SPIDR: variants seen among roughly 807,000 people sequenced by gnomAD.
SPIDR encodes scaffold protein involved in DNA repair, also known as DNA repair-scaffolding protein.
Under a neutral mutation model 104.6 loss-of-function variants are expected in SPIDR, and 93 were observed. That is an observed-to-expected ratio of 0.89 (90% CI 0.75 to 1.06). The LOEUF is 1.06. Among genes scored for constraint, SPIDR ranks in the 50% least tolerant of loss-of-function variants. The pLI is 0.00. For synonymous variants in SPIDR, 431 were observed against 416.9 expected (o/e 1.03, Z -0.41); for missense variants, 1,154 against 1,111.2 (o/e 1.04, Z -0.55).
intron 8 of SPIDR, among the ~76,000 whole-genome samples, chr8:47,576,439 C>CCACACCTGGCCATAAATATCA (rs1347405501): frequency 1.3e-5 from 2 of 152,084 alleles, no homozygotes; most frequent in African/African-American, 2.4e-5. Context: ...GCATGAGCCA[C>CCACACCTGGCCATAAATATCA]TGGACCCAGC....
intron 5 of SPIDR, among the ~76,000 whole-genome samples, chr8:47,337,508 A>G (rs1427545678): frequency 6.6e-6 from 1 of 151,498 alleles, no homozygotes; most frequent in Non-Finnish European, 1.5e-5. Context: ...TCCCAGATGT[A>G]TGATTTGTAA....
At chr8:47,673,024 G>T (rs990767776) in intron 10 of SPIDR, among the ~76,000 whole-genome samples, 9 of 152,116 alleles carry the variant, frequency 5.9e-5, no homozygotes, top group African/African-American at 2.2e-4. Flanking sequence ...CTTATCTTTA[G>T]AACAGTTTTT....
At chr8:47,458,891 T>G (rs536012788) in intron 8 of SPIDR, among the ~76,000 whole-genome samples, 30 of 152,274 alleles carry the variant, frequency 2.0e-4, no homozygotes, top group African/African-American at 7.2e-4. Flanking sequence ...ACTGTGTCTG[T>G]TGAGGTGGTC....
chr8:47,553,856 C>T (rs912960922), intron 8 of SPIDR, among the ~76,000 whole-genome samples: 5 of 152,180 alleles, frequency 3.3e-5, no homozygotes, highest in African/African-American at 4.8e-5. Flanking sequence ...AGCTATTCTG[C>T]TTTGGTTTCT....
At chr8:47,616,741 T>C (rs2064370005) in intron 10 of SPIDR, among the ~76,000 whole-genome samples, 1 of 152,232 alleles carries the variant, frequency 6.6e-6, no homozygotes, top group Non-Finnish European at 1.5e-5. Context: ...ACGTACTCCA[T>C]ACCCAGTTTC....
At chr8:47,349,570 CCAGAGGTGGAGGCTA>C (rs1239409989) in intron 5 of SPIDR, among the ~76,000 whole-genome samples, 3 of 152,184 alleles carry the variant, frequency 2.0e-5, no homozygotes, top group Non-Finnish European at 2.9e-5. Flanking sequence ...TGCCCTGCCC[CCAGAGGTGGAGGCTA>C]CAGAGGCAGG....
chr8:47,306,492 C>T (rs1299237084), intron 5 of SPIDR, among the ~76,000 whole-genome samples: 1 of 151,888 alleles, frequency 6.6e-6, no homozygotes, highest in Non-Finnish European at 1.5e-5. Flanking sequence ...ATGTTTATAC[C>T]ACATTTTTTA....
intron 5 of SPIDR, among the ~76,000 whole-genome samples, chr8:47,374,788 T>C (rs2058454055): frequency 6.6e-6 from 1 of 152,006 alleles, no homozygotes; most frequent in South Asian, 2.1e-4. Context: ...GGGCATTGTG[T>C]CTCATGCCTG....
Position 47,502,731 on chromosome 8 carries a change from G to T in SPIDR, c.1097+62189G>T, listed in dbSNP as rs558648141. Among the ~76,000 whole-genome samples the T allele has an allele frequency of 4.8e-4, 73 of 152,042 alleles. 3 individuals carry two copies. The South Asian group carries it at 0.014, about 30-fold the overall frequency. Reference sequence around the variant, plus strand: ...CTAGTTCTTTTAATTTTGATGTTAGGGTGTCAATTTTAGATCTTTCCTGCT... The same window carrying T: ...CTAGTTCTTTTAATTTTGATGTTAGTGTGTCAATTTTAGATCTTTCCTGCT... On this transcript the variant is annotated intron_variant, in intron 8 of 19. Coordinates refer to ENST00000297423, the MANE Select transcript of SPIDR (RefSeq NM_001080394.4).
chr8:47,506,211 G>A (rs752576339), intron 8 of SPIDR, among the ~76,000 whole-genome samples: 2 of 152,228 alleles, frequency 1.3e-5, no homozygotes, highest in Non-Finnish European at 2.9e-5. Context: ...GAGGAGGGCA[G>A]CTACTAGACA....
chr8:47,697,324 T>C (rs1159486162), intron 11 of SPIDR, among the ~76,000 whole-genome samples: 1 of 152,034 alleles, frequency 6.6e-6, no homozygotes, highest in Non-Finnish European at 1.5e-5. Flanking sequence ...ACAACACTTA[T>C]ATTTATTTTT....
At chr8:47,441,361 C>A (rs1442496073) in intron 8 of SPIDR, among the ~76,000 whole-genome samples, 1 of 151,952 alleles carries the variant, frequency 6.6e-6, no homozygotes, top group Non-Finnish European at 1.5e-5. Flanking sequence ...CATTTTAATT[C>A]ATATTTCTCT....
chr8:47,705,082 C>T (rs1440383866), intron 14 of SPIDR, among the ~76,000 whole-genome samples: 6 of 152,208 alleles, frequency 3.9e-5, no homozygotes, highest in Admixed American at 1.3e-4. Flanking sequence ...AGCTAACACT[C>T]CTGCCCACGG....
rs571188746 is a variant in SPIDR, at chr8:47,664,181, C to A, written c.1545-9620C>A. On this transcript the variant is annotated intron_variant, in intron 10 of 19. Coordinates refer to ENST00000297423, the MANE Select transcript of SPIDR (RefSeq NM_001080394.4). ...GTACATTTCACCCTTCATGGCCAGCCTCCAGCATCTCTCATCACCCAGCAA... is the reference window on the plus strand; with the variant it reads ...GTACATTTCACCCTTCATGGCCAGCATCCAGCATCTCTCATCACCCAGCAA... Among the ~76,000 whole-genome samples, 5 of 152,210 alleles carry A rather than the reference C, an allele frequency of 3.3e-5. No individual in the cohort carries two copies. The South Asian group carries it at 6.2e-4, about 19-fold the overall frequency.
At chr8:47,414,889 TTTTTGTTTTG>T (rs1382834853) in intron 7 of SPIDR, among the ~76,000 whole-genome samples, 1 of 151,962 alleles carries the variant, frequency 6.6e-6, no homozygotes, top group Non-Finnish European at 1.5e-5. Context: ...ATTCTGCCCG[TTTTTGTTTTG>T]TTTTGTTTTG....
At chr8:47,552,226 G>A (rs903631441) in intron 8 of SPIDR, among the ~76,000 whole-genome samples, 3 of 152,184 alleles carry the variant, frequency 2.0e-5, no homozygotes, top group Non-Finnish European at 4.4e-5. Context: ...GCGATGTGGT[G>A]CTGAGAAGAA....
intron 8 of SPIDR, among the ~76,000 whole-genome samples, chr8:47,549,441 G>T (rs4873390): frequency 0.014 from 2,168 of 152,256 alleles, 160 homozygotes; most frequent in Admixed American, 0.12. Flanking sequence ...GTTGTTTCCT[G>T]ACTTTTTAAT....
At chr8:47,279,819 TG>T in intron 1 of SPIDR, 42 bp from the exon 2 acceptor site, 2 of 1,565,972 alleles carry the variant, frequency 1.3e-6, no homozygotes, top group East Asian at 4.5e-5. Flanking sequence ...AAGTTGATTT[TG>T]TTTTTTTGTT....
intron 8 of SPIDR, among the ~76,000 whole-genome samples, chr8:47,496,778 GGTAGAATTCACCACTGAAACT>G (rs1444202273): frequency 2.4e-5 from 3 of 123,454 alleles, no homozygotes; most frequent in Non-Finnish European, 5.0e-5. Context: ...TTAAACATTT[GGTAGAATTCACCACTGAAACT>G]ATCTGGGCCT....
Sources: allele counts gnomAD v4.1 joint callset (sites outside exome capture counted in the v4.1 genomes callset), GRCh38; gene constraint gnomAD v4.1.1; transcripts MANE v1.5; gene names NCBI Gene and HGNC (gene_info 2026-07-23, HGNC 2026-07-21).